RDH10: variants seen among roughly 807,000 people sequenced by gnomAD.
RDH10 encodes the protein retinol dehydrogenase 10, also known as retinol dehydrogenase 10 (all-trans).
Under a neutral mutation model 30.2 loss-of-function variants are expected in RDH10, and 12 were observed. The observed-to-expected ratio is 0.40, with a 90% CI of 0.25 to 0.64. The LOEUF (loss-of-function observed/expected upper bound fraction) is 0.64. Ranked by LOEUF, RDH10 falls within the 30% of genes least tolerant of loss-of-function variation. The probability of loss-of-function intolerance (pLI) is 0.43; values close to 1 mark genes in which losing one functional copy is unlikely to be tolerated. For missense variants in RDH10, 268 were observed against 445.2 expected (o/e 0.60, Z 3.58); for synonymous variants, 189 against 172.2 (o/e 1.10, Z -0.76).
rs1049852026 is a variant in RDH10 at position 73,311,647 on chromosome 8, GA to G, written c.526-7448del. On this transcript the variant is annotated intron_variant, in intron 2 of 5. Coordinates refer to ENST00000240285, the MANE Select transcript of RDH10 (RefSeq NM_172037.5). ...TCACAATAATACATGTTTTTAAAGG[GA>G]TAGATTTAACATTGGCACAAATTTG... The G allele has an allele frequency of 3.3e-5, 5 of 152,278 alleles. No individual in the cohort carries two copies. In the East Asian group the frequency reaches 5.8e-4, roughly 18 times the overall value. The allele number at this position is 152,278 out of a possible 1,614,324, so 9.4% of individuals were successfully genotyped here.
intron 4 of RDH10, chr8:73,322,162 C>T: frequency 2.6e-6 from 1 of 377,420 alleles, no homozygotes; most frequent in East Asian, 7.2e-5. Flanking sequence ...GTGAATCAAA[C>T]TGAAGGTAGG....
intron 2 of RDH10, among the ~76,000 whole-genome samples, chr8:73,299,339 G>C (rs541478819): frequency 2.6e-4 from 39 of 152,282 alleles, no homozygotes; most frequent in Middle Eastern, 3.4e-3. Flanking sequence ...GGGGTGGTTA[G>C]ATGAATAAAA....
intron 2 of RDH10, among the ~76,000 whole-genome samples, 158 bp from the exon 3 acceptor site, chr8:73,318,934 TAGCC>T (rs1409349506): frequency 2.0e-5 from 3 of 152,252 alleles, no homozygotes; most frequent in African/African-American, 7.2e-5. Context: ...AGTGCTAAGT[TAGCC>T]AGACACTTAA....
intron 2 of RDH10, among the ~76,000 whole-genome samples, chr8:73,301,196 G>A (rs1244328634): frequency 6.7e-6 from 1 of 150,214 alleles, no homozygotes; most frequent in Non-Finnish European, 1.5e-5. Context: ...GACTACAGGC[G>A]CCCGCTACCA....
chr8:73,310,089 A>C (rs1048325447), intron 2 of RDH10, among the ~76,000 whole-genome samples: 3 of 152,224 alleles, frequency 2.0e-5, no homozygotes, highest in Non-Finnish European at 4.4e-5. Flanking sequence ...GAACACCAGG[A>C]GGAAAAGCTT....
intron 2 of RDH10, 89 bp from the exon 3 acceptor site, chr8:73,319,007 T>G (rs1289618975): frequency 1.3e-6 from 1 of 757,780 alleles, no homozygotes; most frequent in Non-Finnish European, 2.2e-6. Flanking sequence ...AAACATCATG[T>G]GAATAAAAGT....
chr8:73,295,913 A>C, intron 1 of RDH10: 1 of 1,020,760 alleles, frequency 9.8e-7, no homozygotes, highest in East Asian at 5.5e-5. Context: ...TCTTGCTCCG[A>C]CTTACAAGCG....
chr8:73,320,482 T>TTTTG (rs1563552538), intron 3 of RDH10, among the ~76,000 whole-genome samples: 55 of 144,504 alleles, frequency 3.8e-4, no homozygotes, highest in Middle Eastern at 6.9e-3. Flanking sequence ...TTTGTTTTTT[T>TTTTG]TTTTTTGAGA....
intron 2 of RDH10, among the ~76,000 whole-genome samples, chr8:73,303,538 T>G (rs912696269): frequency 1.3e-5 from 2 of 152,252 alleles, no homozygotes; most frequent in Non-Finnish European, 2.9e-5. Context: ...TTTAGAAGTC[T>G]CCAGTAGAAC....
At chr8:73,320,870 T>C in intron 3 of RDH10, 62 bp from the exon 4 acceptor site, 1 of 1,545,108 alleles carries the variant, frequency 6.5e-7, no homozygotes, top group Non-Finnish European at 8.9e-7. Flanking sequence ...AGGGAAGCTT[T>C]AGTTTGGTTG....
At chr8:73,320,176 C>T (rs989119160) in intron 3 of RDH10, among the ~76,000 whole-genome samples, 2 of 152,170 alleles carry the variant, frequency 1.3e-5, no homozygotes, top group East Asian at 3.9e-4. Flanking sequence ...CTAGATTTGC[C>T]TTTATTCTTC....
intron 3 of RDH10, among the ~76,000 whole-genome samples, chr8:73,320,343 T>A (rs1363469312): frequency 6.6e-6 from 1 of 152,218 alleles, no homozygotes; most frequent in Non-Finnish European, 1.5e-5. Flanking sequence ...CAAAGTAATA[T>A]GATACTTAGT....
Position 73,324,805 on chromosome 8 carries a change from T to C in RDH10, c.*1769T>C, listed in dbSNP as rs555087562. On this transcript the variant is annotated 3_prime_UTR_variant, in exon 6 of 6. Coordinates refer to ENST00000240285, the MANE Select transcript of RDH10 (RefSeq NM_172037.5). Reference sequence around the variant, plus strand: ...GGAAACAATGCCATGACCTGTGTTTTAGTTTGGCTGCACCACAGATCAAAT... The same window carrying C: ...GGAAACAATGCCATGACCTGTGTTTCAGTTTGGCTGCACCACAGATCAAAT... The C allele has an allele frequency of 6.6e-6, 1 of 152,360 alleles. No individual in the cohort carries two copies. Among genetic ancestry groups the C allele is most frequent in the Admixed American group, 6.5e-5 (1 of 15,296 alleles). The allele number at this position is 152,360 out of a possible 1,614,324, so 9.4% of individuals were successfully genotyped here.
At chr8:73,296,649 G>T (rs1814271702) in intron 1 of RDH10, among the ~76,000 whole-genome samples, 1 of 152,212 alleles carries the variant, frequency 6.6e-6, no homozygotes, top group Admixed American at 6.5e-5. Context: ...AGTCAGCCCA[G>T]TTAGAACAAG....
chr8:73,307,645 G>A (rs1814486730), intron 2 of RDH10, among the ~76,000 whole-genome samples: 1 of 152,170 alleles, frequency 6.6e-6, no homozygotes, highest in Non-Finnish European at 1.5e-5. Flanking sequence ...CACTGCCAGG[G>A]AAGGAAGAAA....
At chr8:73,320,119 A>G (rs1814739929) in intron 3 of RDH10, among the ~76,000 whole-genome samples, 1 of 152,242 alleles carries the variant, frequency 6.6e-6, no homozygotes, top group South Asian at 2.1e-4. Context: ...TTTCATTTTA[A>G]CTTCGCCTTA....
chr8:73,316,996 G>A (rs1448565683), intron 2 of RDH10, among the ~76,000 whole-genome samples: 2 of 152,094 alleles, frequency 1.3e-5, no homozygotes, highest in Admixed American at 1.3e-4. Context: ...TTTGGGTGGG[G>A]GCACAGATCC....
At chr8:73,298,646 G>C (rs1814321197) in intron 2 of RDH10, among the ~76,000 whole-genome samples, 1 of 152,072 alleles carries the variant, frequency 6.6e-6, no homozygotes, top group African/African-American at 2.4e-5. Flanking sequence ...TCCTGCCTCA[G>C]CCTCTTGAGT....
In RDH10 at chr8:73,294,923, C is replaced by T. The variant is rs1456560630; in HGVS notation, c.-367C>T. 1.8e-5 allele frequency: 7 copies of T among 394,744 alleles called. No individual in the cohort carries two copies. Among genetic ancestry groups the T allele is most frequent in the Non-Finnish European group, 3.1e-5 (7 of 223,572 alleles). 24.5% of individuals were successfully genotyped at this position (394,744 alleles called of 1,614,324 possible). A position where few individuals can be genotyped will look rare whatever the true frequency, so the allele number is the denominator to read the frequency against. On this transcript the variant is annotated 5_prime_UTR_variant, in exon 1 of 6. Coordinates refer to ENST00000240285, the MANE Select transcript of RDH10 (RefSeq NM_172037.5). ...GCCGGTTCCGGGGACGCTCGGGCGG[C>T]AGCAGCTTGGCCATGAGGGCAGTTC...
Sources: allele counts gnomAD v4.1 joint callset (sites outside exome capture counted in the v4.1 genomes callset), GRCh38; gene constraint gnomAD v4.1.1; transcripts MANE v1.5; gene names NCBI Gene and HGNC (gene_info 2026-07-23, HGNC 2026-07-21).